PCDHGA2: variants seen among roughly 807,000 people sequenced by gnomAD.
The protein encoded by PCDHGA2 is protocadherin gamma-A2.
A neutral mutation model predicts 59.2 loss-of-function variants in PCDHGA2; 40 were observed. The ratio of observed to expected loss-of-function variants is 0.68; its 90% confidence interval spans 0.52 to 0.88. The LOEUF is 0.88. Among genes scored for constraint, PCDHGA2 ranks in the 40% least tolerant of loss-of-function variants. The probability of loss-of-function intolerance (pLI) is 0.00; values close to 1 mark genes in which losing one functional copy is unlikely to be tolerated. For missense variants in PCDHGA2, 1,226 were observed against 1,204.0 expected, an observed-to-expected ratio of 1.02 and a Z score of -0.27; for synonymous variants, 560 against 526.0, an observed-to-expected ratio of 1.06 and a Z score of -0.89.
At chr5:141,415,701 T>C in intron 1 of PCDHGA2, 2 of 1,506,520 alleles carry the variant, frequency 1.3e-6, no homozygotes, top group Non-Finnish European at 1.8e-6. Context: ...AAAGTGTAAA[T>C]GCTAAAACAC....
rs10038103 is a variant in PCDHGA2 at position 141,414,849 on chromosome 5, C to T, written c.2424+73454C>T. On this transcript the variant is annotated intron_variant, in intron 1 of 3. Transcript: ENST00000394576. ...TGTCGTTGAGCCTGTTTGTGCTGGA[C>T]CAGAACGACAATGCGCCCGAGATCC... The T allele has an allele frequency of 7.9e-4, 1,268 of 1,614,252 alleles. 15 individuals carry two copies. In the African/African-American group the frequency reaches 0.015, roughly 19 times the overall value.
At chr5:141,388,568 ACACG>A in intron 1 of PCDHGA2, 1 of 1,613,888 alleles carries the variant, frequency 6.2e-7, no homozygotes, top group Non-Finnish European at 8.5e-7. Context: ...CTGCACAGAT[ACACG>A]TTCTAGTGAC....
At chr5:141,403,050 A>G in intron 1 of PCDHGA2, 2 of 1,614,060 alleles carry the variant, frequency 1.2e-6, no homozygotes, top group Non-Finnish European at 1.7e-6. Flanking sequence ...CAGATTCGCT[A>G]CTCAGTGCCT....
chr5:141,377,884 G>C (rs975063251), intron 1 of PCDHGA2: 1 of 152,112 alleles, frequency 6.6e-6, no homozygotes, highest in Non-Finnish European at 1.5e-5. Flanking sequence ...ATCAGAGATA[G>C]GATCCCCCTC....
At chr5:141,410,508 G>C in intron 1 of PCDHGA2, 2 of 1,613,968 alleles carry the variant, frequency 1.2e-6, no homozygotes, top group Non-Finnish European at 8.5e-7. Flanking sequence ...TTCCTAAAAT[G>C]CAGTGTGCCC....
chr5:141,386,797 T>C (rs771279831), intron 1 of PCDHGA2, among the ~76,000 whole-genome samples: 1 of 152,124 alleles, frequency 6.6e-6, no homozygotes, highest in Non-Finnish European at 1.5e-5. Context: ...TGACCAAAAT[T>C]TATTAGATGC....
chr5:141,383,651 T>TC, intron 1 of PCDHGA2: 1 of 1,613,922 alleles, frequency 6.2e-7, no homozygotes, highest in Non-Finnish European at 8.5e-7. Flanking sequence ...CAAGTAACTG[T>TC]CCCCGAGAAT....
chr5:141,463,308 A>G (rs1233755540), intron 1 of PCDHGA2, among the ~76,000 whole-genome samples: 1 of 151,660 alleles, frequency 6.6e-6, no homozygotes, highest in Admixed American at 6.6e-5. Context: ...CCAAACTCTA[A>G]TATCTATTCC....
At chr5:141,357,084 C>T (rs1399515564) in intron 1 of PCDHGA2, 4 of 1,613,912 alleles carry the variant, frequency 2.5e-6, no homozygotes, top group South Asian at 2.2e-5. Flanking sequence ...AGGTGCGCAC[C>T]GCACGGGCCC....
chr5:141,361,524 GA>G, intron 1 of PCDHGA2: 1 of 1,614,056 alleles, frequency 6.2e-7, no homozygotes, highest in Non-Finnish European at 8.5e-7. Context: ...ACGTGGCAGA[GA>G]ACAATCCTCC....
At chr5:141,389,715 G>A (rs1210776013) in intron 1 of PCDHGA2, 4 of 1,612,586 alleles carry the variant, frequency 2.5e-6, no homozygotes, top group Middle Eastern at 1.7e-4. Context: ...GCAGGCTAGC[G>A]AGCCCGGGCT....
At chr5:141,371,593 A>G in intron 1 of PCDHGA2, 1 of 1,613,972 alleles carries the variant, frequency 6.2e-7, no homozygotes, top group Non-Finnish European at 8.5e-7. Context: ...GATACCAAAA[A>G]CACATACAGG....
intron 1 of PCDHGA2, chr5:141,357,104 G>A: frequency 6.2e-7 from 1 of 1,613,888 alleles, no homozygotes; most frequent in South Asian, 1.1e-5. Flanking sequence ...CTGCTGGACA[G>A]AGACGCGCTC....
At chr5:141,357,327 G>A (rs373544325) in intron 1 of PCDHGA2, 63 of 1,613,912 alleles carry the variant, frequency 3.9e-5, no homozygotes, top group Non-Finnish European at 4.9e-5. Context: ...CTTTTGTCAC[G>A]GTGCTGCTAG....
At position 141,361,155 on chromosome 5, in the gene PCDHGA2, C is replaced by A. The variant is rs760085788; in HGVS notation, c.2424+19760C>A. On this transcript the variant is annotated intron_variant, in intron 1 of 3. Coordinates refer to ENST00000394576, the MANE Select transcript of PCDHGA2 (RefSeq NM_018915.4). Reference sequence around the variant, plus strand: ...GTATCCAAGTTGAAATTCTTGATGACAACGATTGTGCACCTGAAGTTATTG... The same window carrying A: ...GTATCCAAGTTGAAATTCTTGATGAAAACGATTGTGCACCTGAAGTTATTG... 16 of 1,613,954 alleles carry A rather than the reference C, an allele frequency of 9.9e-6. No homozygotes were observed. In the South Asian group the frequency reaches 1.6e-4, roughly 17 times the overall value.
intron 1 of PCDHGA2, among the ~76,000 whole-genome samples, chr5:141,464,885 G>T (rs1592925315): frequency 6.6e-6 from 1 of 152,020 alleles, no homozygotes; most frequent in East Asian, 1.9e-4. Flanking sequence ...ACTACAGATG[G>T]ATGCCACCAT....
At chr5:141,399,445 G>A (rs2093810599) in intron 1 of PCDHGA2, 1 of 1,614,032 alleles carries the variant, frequency 6.2e-7, no homozygotes, top group Non-Finnish European at 8.5e-7. Context: ...ACATATCAGA[G>A]ACGTCAACGA....
chr5:141,383,054 T>C, intron 1 of PCDHGA2: 3 of 1,613,872 alleles, frequency 1.9e-6, no homozygotes, highest in Non-Finnish European at 2.5e-6. Flanking sequence ...GCCAAGGACC[T>C]GGGGCTGGAG....
At chr5:141,384,650 C>G (rs1213467381) in intron 1 of PCDHGA2, 4 of 1,614,222 alleles carry the variant, frequency 2.5e-6, no homozygotes, top group Non-Finnish European at 3.4e-6. Context: ...TCCGCAGAGC[C>G]CGGCTACCTG....
Sources: gnomAD v4.1 joint callset for allele counts (sites outside exome capture counted in the v4.1 genomes callset) on GRCh38, gnomAD v4.1.1 for gene constraint, MANE v1.5 for transcripts, NCBI Gene and HGNC (gene_info 2026-07-23, HGNC 2026-07-21) for gene names.